ZNF695: variants seen among roughly 807,000 people sequenced by gnomAD.
ZNF695 encodes the protein zinc finger protein SBZF3.
A neutral mutation model predicts 11.2 loss-of-function variants in ZNF695; 11 were observed. That is an observed-to-expected ratio of 0.98 (90% CI 0.62 to 1.62). The LOEUF is 1.62. Among genes scored for constraint, ZNF695 ranks in the 40% most tolerant of loss-of-function variants. The probability of loss-of-function intolerance (pLI) is 0.00; values close to 1 mark genes in which losing one functional copy is unlikely to be tolerated. For synonymous variants in ZNF695, 190 were observed against 201.4 expected (o/e 0.94, Z 0.48); for missense variants, 559 against 590.5 (o/e 0.95, Z 0.55).
downstream of ZNF695, among the ~76,000 whole-genome samples, chr1:246,984,249 C>A (rs1311423071): frequency 1.7e-4 from 16 of 95,970 alleles, no homozygotes; most frequent in Admixed American, 8.5e-4. Context: ...GTGTGGAGAA[C>A]AGTGAGAAAG....
At chr1:246,993,695 A>T (rs1669110330) in intron 3 of ZNF695, among the ~76,000 whole-genome samples, 1 of 152,236 alleles carries the variant, frequency 6.6e-6, no homozygotes, top group Non-Finnish European at 1.5e-5. Flanking sequence ...AATTATCTTT[A>T]AAAACTCAAA....
chr1:246,999,579 AATATAT>A lies in ZNF695; in HGVS notation c.167-145_167-140del, dbSNP rs1485226067. On this transcript the variant is annotated intron_variant, in intron 2 of 3. Coordinates refer to ENST00000339986, the MANE Select transcript of ZNF695 (RefSeq NM_020394.5). ...AATACTGTTTTCTGACAGAACCTTT[AATATAT>A]GTAGGAAGTATTTTAAATTTGTGAG... 60 of 688,132 alleles carry A rather than the reference AATATAT, an allele frequency of 8.7e-5. No individual in the cohort carries two copies. The Middle Eastern group carries it at 1.2e-3, about 13-fold the overall frequency. The allele number at this position is 688,132 out of a possible 1,614,324, so 42.6% of individuals were successfully genotyped here.
intron 3 of ZNF695, among the ~76,000 whole-genome samples, chr1:246,995,074 G>A (rs1402432065): frequency 2.0e-5 from 3 of 152,088 alleles, no homozygotes; most frequent in Admixed American, 6.6e-5. Context: ...CTATAAAACA[G>A]TGACAACCAA....
intron 5 of ZNF695, among the ~76,000 whole-genome samples, chr1:246,965,418 A>G (rs1209973928): frequency 6.6e-6 from 1 of 150,588 alleles, no homozygotes; most frequent in African/African-American, 2.4e-5. Flanking sequence ...CCCATTTGCC[A>G]TGTGATTTCC....
intron 1 of ZNF695, among the ~76,000 whole-genome samples, chr1:247,007,469 C>G (rs1357332332): frequency 3.3e-4 from 42 of 127,630 alleles, no homozygotes; most frequent in Non-Finnish European, 2.8e-4. Flanking sequence ...GAACTCCAGC[C>G]TGGCGACAGG....
Position 246,986,725 on chromosome 1 carries a change from C to T in ZNF695, c.*242G>A. On this transcript the variant is annotated 3_prime_UTR_variant, in exon 4 of 4. Transcript: ENST00000339986. Reference sequence around the variant, plus strand: ...TACAGTTTGAGCAACTGGAGGGTTTCCCTCCAGTATAAATTCTTCTGTGTA... The same window carrying T: ...TACAGTTTGAGCAACTGGAGGGTTTTCCTCCAGTATAAATTCTTCTGTGTA... 8.5e-7 allele frequency: 1 copy of T among 1,179,026 alleles called. No homozygotes were observed. The highest frequency in any genetic ancestry group is 1.0e-6 in the Non-Finnish European group (1 of 952,876). 73.0% of individuals were successfully genotyped at this position (1,179,026 alleles called of 1,614,324 possible). A position where few individuals can be genotyped will look rare whatever the true frequency, so the allele number is the denominator to read the frequency against.
At chr1:246,959,983 C>T (rs1229944982) in intron 5 of ZNF695, among the ~76,000 whole-genome samples, 1 of 152,180 alleles carries the variant, frequency 6.6e-6, no homozygotes, top group Non-Finnish European at 1.5e-5. Flanking sequence ...AAGCTGCTAT[C>T]TTCATGCAAC....
At chr1:246,988,638 CA>C in intron 3 of ZNF695, among the ~76,000 whole-genome samples, 1 of 152,190 alleles carries the variant, frequency 6.6e-6, no homozygotes, top group East Asian at 1.9e-4. Context: ...TAAGGATGGC[CA>C]AACAAAAGCT....
downstream of ZNF695, among the ~76,000 whole-genome samples, chr1:246,981,549 C>T (rs1271144013): frequency 6.6e-6 from 1 of 152,092 alleles, no homozygotes; most frequent in Non-Finnish European, 1.5e-5. Context: ...ATAAAGTTTT[C>T]GTGATGTTTT....
intron 5 of ZNF695, among the ~76,000 whole-genome samples, chr1:246,958,853 G>A (rs963071100): frequency 2.0e-5 from 3 of 152,168 alleles, no homozygotes; most frequent in Admixed American, 1.3e-4. Flanking sequence ...AAGGTGAAAA[G>A]TGTGTTTGCT....
At chr1:246,996,859 A>G (rs74155712) in intron 3 of ZNF695, among the ~76,000 whole-genome samples, 1,915 of 152,364 alleles carry the variant, frequency 0.013, 41 homozygotes, top group African/African-American at 0.044. Context: ...CTAAAGGGCC[A>G]GGCAAATACA....
At chr1:246,945,852 C>CAGCT (rs1667721306) in intron 5 of ZNF695, 1 of 1,549,740 alleles carries the variant, frequency 6.5e-7, no homozygotes, top group South Asian at 1.2e-5. Flanking sequence ...GAAAGAAAAG[C>CAGCT]AGCTTAAGGT....
At chr1:246,974,889 C>T (rs1668519628) in intron 4 of ZNF695, among the ~76,000 whole-genome samples, 1 of 152,264 alleles carries the variant, frequency 6.6e-6, no homozygotes, top group African/African-American at 2.4e-5. Flanking sequence ...ACATGGCCAG[C>T]TTTCCCTTGC....
At chr1:247,004,038 C>A (rs1669466377) in intron 1 of ZNF695, among the ~76,000 whole-genome samples, 1 of 152,158 alleles carries the variant, frequency 6.6e-6, no homozygotes, top group South Asian at 2.1e-4. Context: ...CATGGTGAAA[C>A]CCTGTCTCTA....
At chr1:246,984,106 T>C (rs1438824049), downstream of ZNF695, among the ~76,000 whole-genome samples, 4 of 132,998 alleles carry the variant, frequency 3.0e-5, no homozygotes, top group Non-Finnish European at 6.2e-5. Flanking sequence ...AATCCGAGAT[T>C]ACACCAGTGC....
At chr1:247,000,977 G>A (rs1669362639) in intron 1 of ZNF695, among the ~76,000 whole-genome samples, 1 of 152,128 alleles carries the variant, frequency 6.6e-6, no homozygotes, top group Admixed American at 6.5e-5. Flanking sequence ...AGAATTGCTT[G>A]AGCCCAGGAG....
At chr1:246,993,131 G>A (rs756816673) in intron 3 of ZNF695, among the ~76,000 whole-genome samples, 8 of 152,168 alleles carry the variant, frequency 5.3e-5, no homozygotes, top group Non-Finnish European at 1.0e-4. Context: ...GAAAATAGCC[G>A]GGTGCAGTGG....
At position 246,963,520 on chromosome 1, in the gene ZNF695, T is replaced by C. The variant is rs186940433; in HGVS notation, c.488+4175A>G. Among the ~76,000 whole-genome samples, 6 of 152,230 alleles carry C rather than the reference T, an allele frequency of 3.9e-5. No individual in the cohort carries two copies. In the East Asian group the frequency reaches 1.2e-3, roughly 29 times the overall value. Reference sequence around the variant, plus strand: ...GATGGTGGTGGGAGGGGAGGAACAATGAAGCGAACAAACAAGTAAATTCTA... The same window carrying C: ...GATGGTGGTGGGAGGGGAGGAACAACGAAGCGAACAAACAAGTAAATTCTA... On this transcript the variant is annotated intron_variant, in intron 5 of 5. Coordinates refer to the ZNF695 transcript ENST00000487338.
chr1:247,003,972 G>A (rs925994209), intron 1 of ZNF695, among the ~76,000 whole-genome samples: 1 of 152,216 alleles, frequency 6.6e-6, no homozygotes, highest in African/African-American at 2.4e-5. Context: ...CAGCACTTTG[G>A]GAGGCCAAGG....
Sources: gnomAD v4.1 joint callset for allele counts (sites outside exome capture counted in the v4.1 genomes callset) on GRCh38, gnomAD v4.1.1 for gene constraint, MANE v1.5 for transcripts, NCBI Gene and HGNC (gene_info 2026-07-23, HGNC 2026-07-21) for gene names.